ALDH3B2: variants seen among roughly 807,000 people sequenced by gnomAD.
ALDH3B2 encodes aldehyde dehydrogenase 3 family member B2.
Under a neutral mutation model 36.7 loss-of-function variants are expected in ALDH3B2, and 45 were observed. That is an observed-to-expected ratio of 1.23 (90% CI 0.97 to 1.57). The LOEUF (loss-of-function observed/expected upper bound fraction) is 1.57, where lower values mean the gene tolerates loss of function less well. ALDH3B2 is among the 40% of genes most tolerant of loss of function. The pLI is 0.00. For synonymous variants in ALDH3B2, 217 were observed against 226.5 expected (o/e 0.96, Z 0.38); for missense variants, 464 against 513.3 (o/e 0.90, Z 0.93).
intron 1 of ALDH3B2, chr11:67,671,371 C>T (rs941718366): frequency 1.3e-5 from 2 of 152,304 alleles, no homozygotes; most frequent in African/African-American, 4.8e-5. Flanking sequence ...GACCCAAGCC[C>T]TGCCTCTCAT....
chr11:67,670,050 C>CTG (rs1260196729), intron 1 of ALDH3B2, among the ~76,000 whole-genome samples: 5 of 9,710 alleles, frequency 5.1e-4, no homozygotes, highest in South Asian at 9.1e-3. Flanking sequence ...GTATGGGTGT[C>CTG]TCTATGTGTA....
exon 7 of ALDH3B2, chr11:67,665,402 T>C: frequency 1.2e-6 from 2 of 1,613,950 alleles, no homozygotes; most frequent in Non-Finnish European, 1.7e-6. Context: ...TTTGGGGAGC[T>C]CTGGGGGTCG....
intron 1 of ALDH3B2, chr11:67,671,326 C>T (rs1856104169): frequency 6.6e-6 from 1 of 152,316 alleles, no homozygotes; most frequent in Non-Finnish European, 1.5e-5. Flanking sequence ...CAGCATCTGC[C>T]TGACGGATGA....
chr11:67,678,237 T>G (rs1856305517), upstream of ALDH3B2, among the ~76,000 whole-genome samples: 1 of 152,148 alleles, frequency 6.6e-6, no homozygotes, highest in Admixed American at 6.5e-5. Flanking sequence ...AAGGCCATAG[T>G]CACCAAAACA....
In ALDH3B2 at chr11:67,666,247, C is replaced by T. The variant is rs201970167; in HGVS notation, c.238-44G>A. The T allele has an allele frequency of 5.2e-4, 843 of 1,613,066 alleles. 1 individual carries two copies. In the African/African-American group the frequency reaches 7.1e-3, roughly 14 times the overall value. ...GGCTCGGGGCGGGCTCGGGGCCAGCCGGGCCTCCTCAGCCCACAGGGGTGA... is the reference window on the plus strand; with the variant it reads ...GGCTCGGGGCGGGCTCGGGGCCAGCTGGGCCTCCTCAGCCCACAGGGGTGA... On this transcript the variant is annotated intron_variant, in intron 5 of 9. Coordinates refer to ENST00000349015, the Ensembl canonical transcript of ALDH3B2.
rs770300354 is a variant in ALDH3B2, at chr11:67,666,565, C to T, written c.151+9G>A. ...GGGGAGAGCATGGGGTTCGGAACGC[C>T]CTCCTCACCTGCGGCGAGGGCGCCC... On this transcript the variant is annotated intron_variant, in intron 4 of 9. Coordinates refer to ENST00000349015, the Ensembl canonical transcript of ALDH3B2. 8 of 1,613,898 alleles carry T rather than the reference C, an allele frequency of 5.0e-6. No individual in the cohort carries two copies. In the East Asian group the frequency reaches 1.1e-4, roughly 22 times the overall value.
chr11:67,669,827 G>T (rs1052139735), intron 1 of ALDH3B2, among the ~76,000 whole-genome samples: 4 of 43,598 alleles, frequency 9.2e-5, no homozygotes, highest in Non-Finnish European at 9.9e-5. Context: ...TGTGTGTATG[G>T]GTGTCTGTGT....
chr11:67,678,481 A>G (rs184942275), upstream of ALDH3B2, among the ~76,000 whole-genome samples: 36 of 152,322 alleles, frequency 2.4e-4, no homozygotes, highest in African/African-American at 7.9e-4. Flanking sequence ...AGGATGGATT[A>G]AGGACTTAAA....
At chr11:67,664,415 G>T in exon 8 of ALDH3B2, 2 of 1,614,150 alleles carry the variant, frequency 1.2e-6, no homozygotes, top group Non-Finnish European at 1.7e-6. Context: ...GTTGGAGAAG[G>T]CGTACAGGGC....
rs200854518 is a variant in ALDH3B2 at position 67,666,231 on chromosome 11, C to G, written c.238-28G>C. ...GCAAGGTGGAATGAGAGGCTCGGGG[C>G]GGGCTCGGGGCCAGCCGGGCCTCCT... is the stretch of plus-strand genomic sequence containing the variant. On this transcript the variant is annotated intron_variant, in intron 5 of 9. Coordinates refer to ENST00000349015, the Ensembl canonical transcript of ALDH3B2. 523 of 1,499,406 alleles carry G rather than the reference C, an allele frequency of 3.5e-4. 2 individuals carry two copies. The African/African-American group carries it at 9.0e-3, about 26-fold the overall frequency. 92.9% of individuals were successfully genotyped at this position (1,499,406 alleles called of 1,614,324 possible). A position where few individuals can be genotyped will look rare whatever the true frequency, so the allele number is the denominator to read the frequency against.
intron 1 of ALDH3B2, among the ~76,000 whole-genome samples, chr11:67,670,052 C>G (rs139514914): frequency 0.06 from 400 of 6,672 alleles, 102 homozygotes; most frequent in East Asian, 0.073. Flanking sequence ...ATGGGTGTCT[C>G]TATGTGTATG....
intron 1 of ALDH3B2, among the ~76,000 whole-genome samples, chr11:67,669,220 G>C (rs1235106682): frequency 1.3e-5 from 2 of 151,100 alleles, no homozygotes; most frequent in Admixed American, 1.3e-4. Context: ...GCCTTTCTGT[G>C]TATGGGTGTC....
upstream of ALDH3B2, among the ~76,000 whole-genome samples, chr11:67,675,968 G>A (rs764360205): frequency 9.8e-5 from 15 of 152,286 alleles, no homozygotes; most frequent in African/African-American, 2.9e-4. Flanking sequence ...AAAATAGGTC[G>A]GGTGCGGTGG....
chr11:67,663,771 A>T lies in ALDH3B2; in HGVS notation c.874-10T>A. ...GCATCTGGTTCACAACCTGCCAGGG[A>T]GTGAGAAGGTGGGTGTTGGGCTCTA... On this transcript the variant is annotated splice_polypyrimidine_tract_variant and intron_variant, in intron 8 of 9. Coordinates refer to ENST00000349015, the Ensembl canonical transcript of ALDH3B2. The T allele has an allele frequency of 6.2e-7, 1 of 1,606,708 alleles. No homozygotes were observed. Among genetic ancestry groups the T allele is most frequent in the Non-Finnish European group, 8.5e-7 (1 of 1,174,584 alleles).
intron 3 of ALDH3B2, 105 bp downstream of exon 3, chr11:67,666,801 G>GAGA (rs1855933086): frequency 6.2e-7 from 1 of 1,608,340 alleles, no homozygotes; most frequent in Admixed American, 1.7e-5. Context: ...CAGGAGAGAC[G>GAGA]AGAAAATCAG....
chr11:67,669,755 C>T (rs1409981588), intron 1 of ALDH3B2, among the ~76,000 whole-genome samples: 3 of 43,806 alleles, frequency 6.8e-5, no homozygotes, highest in Admixed American at 2.7e-4. Context: ...TCTGTGTCCA[C>T]GTGTGTCTGT....
intron 1 of ALDH3B2, among the ~76,000 whole-genome samples, chr11:67,672,076 TA>T (rs2134153593): frequency 1.1e-5 from 1 of 91,448 alleles, no homozygotes; most frequent in East Asian, 3.0e-4. Flanking sequence ...TATATATATA[TA>T]TATATATATA....
rs536595995 is a variant in ALDH3B2, at chr11:67,666,106, G to A, written c.319+16C>T. 1.2e-6 allele frequency: 2 copies of A among 1,613,452 alleles called. No homozygotes were observed. Among genetic ancestry groups the A allele is most frequent in the Admixed American group, 1.7e-5 (1 of 60,000 alleles). ...TCCCCTCCACCTACTCTGGGACCCT[G>A]GCCTGGCCCCCTCACCTGTGAAGAA... is the stretch of plus-strand genomic sequence containing the variant. On this transcript the variant is annotated intron_variant, in intron 6 of 9. Coordinates refer to ENST00000349015, the Ensembl canonical transcript of ALDH3B2.
chr11:67,664,638 A>C, intron 7 of ALDH3B2, 76 bp from the exon 8 acceptor site: 1 of 1,566,874 alleles, frequency 6.4e-7, no homozygotes, highest in Non-Finnish European at 8.6e-7. Flanking sequence ...AGGTGGGGAC[A>C]GGGGCATGGG....
Sources: allele counts gnomAD v4.1 joint callset (sites outside exome capture counted in the v4.1 genomes callset), GRCh38; gene constraint gnomAD v4.1.1; transcripts MANE v1.5; gene names NCBI Gene and HGNC (gene_info 2026-07-23, HGNC 2026-07-21).